Variants in DNAJC13 observed in about 807,000 individuals in gnomAD.
DNAJC13 encodes DnaJ heat shock protein family (Hsp40) member C13.
DNAJC13 carries 75 observed loss-of-function variants against 290.5 expected under a neutral mutation model. The observed-to-expected ratio is 0.26, with a 90% CI of 0.21 to 0.31. The LOEUF (loss-of-function observed/expected upper bound fraction) is 0.31, where lower values mean the gene tolerates loss of function less well. Ranked by LOEUF, DNAJC13 falls within the 10% of genes least tolerant of loss-of-function variation. The probability of loss-of-function intolerance (pLI) is 1.00; values close to 1 mark genes in which losing one functional copy is unlikely to be tolerated. For synonymous variants in DNAJC13, 862 were observed against 892.0 expected (o/e 0.97, Z 0.60); for missense variants, 2,260 against 2,674.5 (o/e 0.85, Z 3.42).
In DNAJC13 at chr3:132,494,229, A is replaced by C; in HGVS notation, c.3911A>C (p.Glu1304Ala). 1 of 1,613,122 alleles carries C rather than the reference A, an allele frequency of 6.2e-7. No homozygotes were observed. The highest frequency in any genetic ancestry group is 1.7e-5 in the Admixed American group (1 of 59,882). Residue 1304 changes from glutamate to alanine, a missense_variant, in exon 34 of 56, where the codon GAA (glutamate) becomes GCA (alanine). This residue lies in a region of DNAJC13 where 1,494 missense variants were observed against 1,693.7 expected (regional missense o/e 0.88). Coordinates refer to ENST00000260818, the MANE Select transcript of DNAJC13 (RefSeq NM_015268.4). ...PPMMSIDDAYEVLNLPQGQGP... is the reference protein window; with the variant it reads ...PPMMSIDDAYAVLNLPQGQGP... ...ATGATGTCAATAGATGATGCTTATG[A>C]AGTGCTTAATCTGCCTCAAGGACAG...
chr3:132,473,128 GT>G lies in DNAJC13; in HGVS notation c.2209-10del. Reference sequence around the variant, plus strand: ...GTAGCCCCAGATTGAGCACTATGAAGTTTTTTTCTGTTCCAGAATATAAATC... The same window carrying G: ...GTAGCCCCAGATTGAGCACTATGAAGTTTTTTCTGTTCCAGAATATAAATC... On this transcript the variant is annotated splice_polypyrimidine_tract_variant and intron_variant, in intron 20 of 55. Coordinates refer to ENST00000260818, the MANE Select transcript of DNAJC13 (RefSeq NM_015268.4). 1.3e-6 allele frequency: 2 copies of G among 1,592,784 alleles called. No individual in the cohort carries two copies. Among genetic ancestry groups the G allele is most frequent in the Non-Finnish European group, 1.7e-6 (2 of 1,165,514 alleles).
At chr3:132,518,147 G>A (rs1035104857) in intron 48 of DNAJC13, among the ~76,000 whole-genome samples, 12 of 152,256 alleles carry the variant, frequency 7.9e-5, no homozygotes, top group African/African-American at 2.9e-4. Flanking sequence ...CCATGTTGGC[G>A]TGCTGCACCC....
At chr3:132,493,618 T>C (rs763382927) in intron 33 of DNAJC13, among the ~76,000 whole-genome samples, 4 of 151,936 alleles carry the variant, frequency 2.6e-5, no homozygotes, top group Non-Finnish European at 5.9e-5. Flanking sequence ...TATTAGAGCT[T>C]TTTTTTTCCC....
chr3:132,538,774 C>T lies in DNAJC13; in HGVS notation c.*492C>T, dbSNP rs1328929772. The T allele has an allele frequency of 1.3e-5, 2 of 152,368 alleles. No homozygotes were observed. The highest frequency in any genetic ancestry group is 4.8e-5 in the African/African-American group (2 of 41,424). The allele number at this position is 152,368 out of a possible 1,614,324, so 9.4% of individuals were successfully genotyped here. On this transcript the variant is annotated 3_prime_UTR_variant, in exon 56 of 56. Coordinates refer to ENST00000260818, the MANE Select transcript of DNAJC13 (RefSeq NM_015268.4). Reference sequence around the variant, plus strand: ...TCCCTGCACCCTTCACTGGCATCCTCAATCATTAACCTTCTGAAAGCTCAC... The same window carrying T: ...TCCCTGCACCCTTCACTGGCATCCTTAATCATTAACCTTCTGAAAGCTCAC...
intron 6 of DNAJC13, among the ~76,000 whole-genome samples, chr3:132,452,280 C>T (rs1428277336): frequency 6.6e-6 from 1 of 152,198 alleles, no homozygotes; most frequent in Non-Finnish European, 1.5e-5. Flanking sequence ...AATCCACTTT[C>T]TCACTGTAAG....
chr3:132,495,930 T>C (rs1020351392), intron 35 of DNAJC13, among the ~76,000 whole-genome samples: 1 of 152,172 alleles, frequency 6.6e-6, no homozygotes, highest in Admixed American at 6.5e-5. Flanking sequence ...GCTAGACTTA[T>C]CAGATATTAA....
chr3:132,442,002 A>ATTGGTTTTTT (rs1186612973), intron 2 of DNAJC13, among the ~76,000 whole-genome samples: 28 of 140,560 alleles, frequency 2.0e-4, no homozygotes, highest in Admixed American at 2.0e-3. Context: ...GACCTAACAC[A>ATTGGTTTTTT]TTGGTTTTTT....
intron 48 of DNAJC13, among the ~76,000 whole-genome samples, chr3:132,520,023 C>T (rs995349379): frequency 1.4e-4 from 22 of 152,204 alleles, no homozygotes; most frequent in South Asian, 1.0e-3. Flanking sequence ...CTTACTATCA[C>T]GAGAACAGAA....
intron 1 of DNAJC13, among the ~76,000 whole-genome samples, chr3:132,429,784 CAG>C (rs1939194772): frequency 6.6e-6 from 1 of 152,086 alleles, no homozygotes; most frequent in African/African-American, 2.4e-5. Flanking sequence ...CCTTACCTCT[CAG>C]ATATACCCTT....
In DNAJC13 at chr3:132,441,172, G is replaced by A. The variant is rs544543697; in HGVS notation, c.69-5303G>A. On this transcript the variant is annotated intron_variant, in intron 2 of 55. Coordinates refer to ENST00000260818, the MANE Select transcript of DNAJC13 (RefSeq NM_015268.4). ...ATATTCAGCCTAGGAAAAAGAATTC[G>A]AATGGAAGGTCTGACTGGCAGAAGA... 9.8e-5 allele frequency among the ~76,000 whole-genome samples: 15 copies of A among 152,288 alleles called. No individual in the cohort carries two copies. In the South Asian group the frequency reaches 2.1e-3, roughly 21 times the overall value.
At chr3:132,485,623 A>G (rs1251169477) in intron 29 of DNAJC13, among the ~76,000 whole-genome samples, 1 of 152,228 alleles carries the variant, frequency 6.6e-6, no homozygotes, top group Non-Finnish European at 1.5e-5. Context: ...TGTTAAGACT[A>G]CTGGGAGGTA....
At chr3:132,486,082 CTTTTTT>C (rs758049804) in intron 29 of DNAJC13, among the ~76,000 whole-genome samples, 637 of 40,494 alleles carry the variant, frequency 0.016, 2 homozygotes, top group Admixed American at 0.029. Context: ...ATGCCCTATC[CTTTTTT>C]TTTTTTTTTT....
chr3:132,455,551 T>C (rs927640654), intron 9 of DNAJC13, among the ~76,000 whole-genome samples: 9 of 152,130 alleles, frequency 5.9e-5, no homozygotes, highest in Admixed American at 5.2e-4. Flanking sequence ...CGTAATATCA[T>C]TACTCATAGC....
intron 55 of DNAJC13, 109 bp from the exon 56 acceptor site, chr3:132,538,067 A>G (rs1008864129): frequency 6.8e-6 from 5 of 731,468 alleles, no homozygotes; most frequent in Non-Finnish European, 9.2e-6. Context: ...GAAATAGATG[A>G]TTAGTTTTGT....
intron 43 of DNAJC13, among the ~76,000 whole-genome samples, chr3:132,509,195 C>T (rs1368747906): frequency 6.6e-6 from 1 of 152,164 alleles, no homozygotes; most frequent in African/African-American, 2.4e-5. Flanking sequence ...ATTTGTGATT[C>T]ATGGGAGGAG....
chr3:132,534,489 CTA>C (rs1164887872), intron 55 of DNAJC13, among the ~76,000 whole-genome samples: 1 of 152,010 alleles, frequency 6.6e-6, no homozygotes, highest in Non-Finnish European at 1.5e-5. Flanking sequence ...GACCCCGTCT[CTA>C]TAAAAAAATA....
intron 1 of DNAJC13, among the ~76,000 whole-genome samples, chr3:132,432,112 T>C (rs1252284683): frequency 4.6e-5 from 7 of 152,316 alleles, no homozygotes; most frequent in African/African-American, 1.7e-4. Context: ...TATAAAAAGA[T>C]ATAAAGCAAG....
At chr3:132,507,138 G>T in intron 42 of DNAJC13, 99 bp from the exon 43 acceptor site, 1 of 743,630 alleles carries the variant, frequency 1.3e-6, no homozygotes. Context: ...TTTTTCTCTA[G>T]AATATGCATA....
In DNAJC13 at chr3:132,477,985, G is replaced by T; in HGVS notation, c.2554G>T (p.Glu852Ter). 6.3e-7 allele frequency: 1 copy of T among 1,599,230 alleles called. No individual in the cohort carries two copies. Among genetic ancestry groups the T allele is most frequent in the South Asian group, 1.1e-5 (1 of 87,066 alleles). ...ACTTTTTTTTTTAAAATCTAGGTAT[G>T]AATTTTTCAATGAGCTTTATCATCG... is the stretch of plus-strand genomic sequence containing the variant. ...EESGSIKRSY[E>*]FFNELYHRFL... Residue 852 changes from glutamate (E) to a stop codon, truncating the protein, a stop_gained, in exon 24 of 56, where the codon GAA (glutamate) becomes TAA (stop). Coordinates refer to ENST00000260818, the MANE Select transcript of DNAJC13 (RefSeq NM_015268.4). LOFTEE classifies it high-confidence loss of function.
Sources: gnomAD v4.1 joint callset for allele counts (sites outside exome capture counted in the v4.1 genomes callset) on GRCh38, gnomAD v4.1.1 for gene constraint, gnomAD v4.1.1 regional missense constraint, MANE v1.5 for transcripts, NCBI Gene and HGNC (gene_info 2026-07-23, HGNC 2026-07-21) for gene names.